Variants in CHST9 observed in about 807,000 individuals in gnomAD.
CHST9 encodes the protein GalNAc-4-sulfotransferase 2.
Under a neutral mutation model 44.4 loss-of-function variants are expected in CHST9, and 41 were observed. The ratio of observed to expected loss-of-function variants is 0.92; its 90% CI spans 0.72 to 1.20. The LOEUF (loss-of-function observed/expected upper bound fraction) is 1.20. CHST9 is among the 50% of genes most tolerant of loss of function. CHST9 has a pLI of 0.00. For missense variants in CHST9, 504 were observed against 516.5 expected (o/e 0.98, Z 0.23); for synonymous variants, 171 against 178.4 (o/e 0.96, Z 0.33).
chr18:27,162,763 T>C (rs1167035566), intron 1 of CHST9, among the ~76,000 whole-genome samples: 1 of 152,244 alleles, frequency 6.6e-6, no homozygotes, highest in Non-Finnish European at 1.5e-5. Context: ...TCGAACTTCC[T>C]CCTTTAGCTC....
At chr18:26,935,332 A>G (rs903118615) in intron 5 of CHST9, 1 of 152,156 alleles carries the variant, frequency 6.6e-6, no homozygotes, top group Non-Finnish European at 1.5e-5. Flanking sequence ...TCAAGTATGG[A>G]ATACTTGAGG....
intron 2 of CHST9, among the ~76,000 whole-genome samples, chr18:27,111,723 TG>T (rs1351052093): frequency 6.6e-6 from 1 of 152,176 alleles, no homozygotes; most frequent in Non-Finnish European, 1.5e-5. Flanking sequence ...TCTGTCAGAA[TG>T]GTTCTGCAAC....
intron 4 of CHST9, among the ~76,000 whole-genome samples, chr18:27,017,849 CTGTT>C (rs376932621): frequency 8.1e-4 from 123 of 152,184 alleles, no homozygotes; most frequent in Middle Eastern, 6.8e-3. Flanking sequence ...TTACTGAACA[CTGTT>C]TGGAATATTT....
intron 2 of CHST9, among the ~76,000 whole-genome samples, chr18:27,100,410 C>CA (rs2058159640): frequency 6.6e-6 from 1 of 151,712 alleles, no homozygotes; most frequent in African/African-American, 2.4e-5. Flanking sequence ...GAATCTAAAA[C>CA]AAAAATTGAA....
chr18:27,125,570 GAATT>G (rs1256192247), intron 2 of CHST9, among the ~76,000 whole-genome samples: 3 of 151,922 alleles, frequency 2.0e-5, no homozygotes, highest in Admixed American at 6.6e-5. Flanking sequence ...ATTTTTTTAA[GAATT>G]AATGAGAAAA....
intron 4 of CHST9, among the ~76,000 whole-genome samples, chr18:27,014,618 G>A (rs1786630): frequency 0.65 from 98,293 of 151,690 alleles, 32,298 homozygotes; most frequent in African/African-American, 0.75. Flanking sequence ...ATTTACTTCT[G>A]GATTTTGAAA....
intron 2 of CHST9, among the ~76,000 whole-genome samples, chr18:27,129,365 A>AT (rs1567929140): frequency 6.6e-6 from 1 of 150,944 alleles, no homozygotes; most frequent in East Asian, 1.9e-4. Flanking sequence ...GTTTATTTTT[A>AT]TTTTTTATTT....
chr18:26,981,856 A>G (rs1252534754), intron 4 of CHST9, among the ~76,000 whole-genome samples: 1 of 152,060 alleles, frequency 6.6e-6, no homozygotes, highest in East Asian at 1.9e-4. Flanking sequence ...AATCCAGTCC[A>G]TTTTCCTCCA....
In CHST9 at chr18:26,908,942, C is replaced by A. The variant is rs1452411482; in HGVS notation, c.*7317G>T. 1 of 152,142 alleles carries A rather than the reference C, an allele frequency of 6.6e-6. No individual in the cohort carries two copies. Among genetic ancestry groups the A allele is most frequent in the Non-Finnish European group, 1.5e-5 (1 of 68,024 alleles). The allele number at this position is 152,142 out of a possible 1,614,324, so 9.4% of individuals were successfully genotyped here. On this transcript the variant is annotated 3_prime_UTR_variant, in exon 6 of 6. Transcript: ENST00000618847. ...AGCTTTTTAGTTTTTATTGGAGAAA[C>A]TCATATTGTCTTCACTTGTTCAATG...
intron 4 of CHST9, among the ~76,000 whole-genome samples, chr18:26,969,374 C>CTGTGTGTG (rs752526316): frequency 4.9e-4 from 73 of 149,358 alleles, no homozygotes; most frequent in African/African-American, 1.8e-3. Context: ...CTCTCTCTCT[C>CTGTGTGTG]TCTGTGTGTG....
rs1414985583 is a variant in CHST9, at chr18:26,911,573, G to A, written c.*4686C>T. The A allele has an allele frequency of 1.3e-5, 2 of 152,172 alleles. No individual in the cohort carries two copies. The highest frequency in any genetic ancestry group is 4.1e-4 in the South Asian group (2 of 4,828). 9.4% of individuals were successfully genotyped at this position (152,172 alleles called of 1,614,324 possible). A position where few individuals can be genotyped will look rare whatever the true frequency, so the allele number is the denominator to read the frequency against. Reference sequence around the variant, plus strand: ...CTTGGTGAGTTAACAAGAAATGAATGTCCAGATATATAGAGAGGGGAGCAT... The same window carrying A: ...CTTGGTGAGTTAACAAGAAATGAATATCCAGATATATAGAGAGGGGAGCAT... On this transcript the variant is annotated 3_prime_UTR_variant, in exon 6 of 6. Transcript: ENST00000618847.
At chr18:27,165,357 A>G (rs903504377) in intron 1 of CHST9, among the ~76,000 whole-genome samples, 6 of 152,212 alleles carry the variant, frequency 3.9e-5, no homozygotes, top group Admixed American at 3.9e-4. Context: ...TAACATTTAC[A>G]TTGTCATAAT....
At chr18:27,111,446 G>A (rs1488407017) in intron 2 of CHST9, among the ~76,000 whole-genome samples, 2 of 152,172 alleles carry the variant, frequency 1.3e-5, no homozygotes, top group East Asian at 1.9e-4. Context: ...TTAGAGTCTA[G>A]GCCAGTCAGG....
chr18:26,953,175 T>C (rs1280000634), intron 4 of CHST9, among the ~76,000 whole-genome samples: 2 of 152,162 alleles, frequency 1.3e-5, no homozygotes, highest in Non-Finnish European at 2.9e-5. Flanking sequence ...ATTCTAGAGA[T>C]ATGGTGAGTT....
At chr18:27,039,313 A>G (rs2143524889) in intron 3 of CHST9, among the ~76,000 whole-genome samples, 2 of 152,342 alleles carry the variant, frequency 1.3e-5, no homozygotes, top group Middle Eastern at 3.4e-3. Context: ...TGCAATATAT[A>G]CATACAATTG....
At chr18:27,122,918 T>G (rs775548295) in intron 2 of CHST9, among the ~76,000 whole-genome samples, 25 of 152,256 alleles carry the variant, frequency 1.6e-4, no homozygotes, top group South Asian at 6.2e-4. Flanking sequence ...GGAAGGAAAC[T>G]TGAACAACTC....
chr18:27,118,478 C>A (rs757611955), intron 2 of CHST9, among the ~76,000 whole-genome samples: 4 of 152,174 alleles, frequency 2.6e-5, no homozygotes, highest in Non-Finnish European at 4.4e-5. Context: ...ATTCATTTTA[C>A]ACATGAGAAA....
intron 3 of CHST9, among the ~76,000 whole-genome samples, chr18:27,041,482 A>G (rs1009186309): frequency 1.3e-5 from 2 of 152,112 alleles, no homozygotes; most frequent in Non-Finnish European, 1.5e-5. Flanking sequence ...TGAAGATAAT[A>G]CTTCTCCCCT....
chr18:27,068,825 A>G (rs1233283561), intron 2 of CHST9, among the ~76,000 whole-genome samples: 1 of 152,172 alleles, frequency 6.6e-6, no homozygotes, highest in Non-Finnish European at 1.5e-5. Flanking sequence ...TCACATCGTC[A>G]TATGTATGAA....
Sources: allele counts gnomAD v4.1 joint callset (sites outside exome capture counted in the v4.1 genomes callset), GRCh38; gene constraint gnomAD v4.1.1; transcripts MANE v1.5; gene names NCBI Gene and HGNC (gene_info 2026-07-23, HGNC 2026-07-21).